DAB2IP: variants seen among roughly 807,000 people sequenced by gnomAD.
DAB2IP encodes the protein disabled homolog 2-interacting protein.
In DAB2IP, 28 loss-of-function variants were observed where a neutral mutation model predicts 107.2. The ratio of observed to expected loss-of-function variants is 0.26; its 90% CI spans 0.19 to 0.36. DAB2IP has a LOEUF of 0.36. Among genes scored for constraint, DAB2IP ranks in the 10% least tolerant of loss-of-function variants. The probability of loss-of-function intolerance (pLI) is 1.00; values close to 1 mark genes in which losing one functional copy is unlikely to be tolerated. For missense variants in DAB2IP, 1,400 were observed against 1,644.7 expected, an observed-to-expected ratio of 0.85 and a Z score of 2.57; for synonymous variants, 755 against 706.4, an observed-to-expected ratio of 1.07 and a Z score of -1.09.
chr9:121,716,524 C>G (rs1301115611), intron 3 of DAB2IP, among the ~76,000 whole-genome samples: 1 of 152,346 alleles, frequency 6.6e-6, no homozygotes, highest in South Asian at 2.1e-4. Flanking sequence ...TGCTCAGGTT[C>G]CATTTCCAAA....
At chr9:121,732,467 G>A (rs1831600930) in intron 3 of DAB2IP, among the ~76,000 whole-genome samples, 1 of 152,158 alleles carries the variant, frequency 6.6e-6, no homozygotes, top group South Asian at 2.1e-4. Flanking sequence ...CTGGTAGTGG[G>A]GCAGAGGTAG....
In DAB2IP at chr9:121,701,996, C is replaced by G. The variant is rs1024195036; in HGVS notation, c.362+2538C>G. Among the ~76,000 whole-genome samples the G allele has an allele frequency of 1.1e-4, 17 of 152,068 alleles. No homozygotes were observed. Among genetic ancestry groups the G allele is most frequent in the African/African-American group, 3.6e-4 (15 of 41,408 alleles). ...CTAGCCTCAGTGAGTGGGTGGGACA[C>G]GAGTGGGAAGGACGGTGGGGGCTTC... On this transcript the variant is annotated intron_variant, in intron 3 of 15. Transcript: ENST00000408936. The surrounding 1 kb of genome is among the most constrained non-coding windows in gnomAD (Gnocchi z 4.7).
At chr9:121,780,880 G>A (rs762113110) in intron 14 of DAB2IP, among the ~76,000 whole-genome samples, 1 of 152,136 alleles carries the variant, frequency 6.6e-6, no homozygotes, top group African/African-American at 2.4e-5. Flanking sequence ...ACTGATGTGC[G>A]ACCTCCCAGC....
At chr9:121,638,593 A>T (rs2789874) in intron 1 of DAB2IP, among the ~76,000 whole-genome samples, 3,111 of 152,264 alleles carry the variant, frequency 0.02, 115 homozygotes, top group African/African-American at 0.071. Flanking sequence ...GGCTCAAGAG[A>T]GCTGTGGCAG....
intron 1 of DAB2IP, among the ~76,000 whole-genome samples, chr9:121,670,153 C>T (rs886238691): frequency 2.0e-5 from 3 of 152,218 alleles, no homozygotes; most frequent in African/African-American, 2.4e-5. Flanking sequence ...GAGAATGCCA[C>T]GTACATGGAA....
chr9:121,627,871 G>A (rs1436019545), intron 1 of DAB2IP, among the ~76,000 whole-genome samples: 1 of 152,214 alleles, frequency 6.6e-6, no homozygotes, highest in Non-Finnish European at 1.5e-5. Flanking sequence ...TAGTTCAGCT[G>A]TAGAATTCCA....
Position 121,776,218 on chromosome 9 carries a change from C to T in DAB2IP, c.3141C>T (p.Asp1047=). The T allele has an allele frequency of 1.3e-6, 2 of 1,579,304 alleles. No individual in the cohort carries two copies. Among genetic ancestry groups the T allele is most frequent in the Non-Finnish European group, 8.6e-7 (1 of 1,162,988 alleles). Residue 1047 remains aspartate (D), a synonymous_variant, in exon 14 of 16, where the codon GAC becomes GAT. Transcript: ENST00000408936. The surrounding 1 kb of genome is among the most constrained non-coding windows in gnomAD (Gnocchi z 5.4). ...GGTAGGACCTGGCGGTGCTGCAGGA[C>T]AAGCTGCGAATCTCCACCAAGAAGC...
intron 10 of DAB2IP, 41 bp from the exon 11 acceptor site, chr9:121,770,505 G>A: frequency 6.3e-7 from 1 of 1,597,542 alleles, no homozygotes; most frequent in East Asian, 2.2e-5. Context: ...TACCCATGTG[G>A]TCCCAGGAGG....
chr9:121,586,706 G>A (rs909890659), intron 1 of DAB2IP, among the ~76,000 whole-genome samples: 5 of 152,050 alleles, frequency 3.3e-5, no homozygotes, highest in African/African-American at 9.7e-5. Context: ...TTCAGTCCCA[G>A]CTACTTGGGA....
chr9:121,621,023 G>A (rs2118994342), intron 1 of DAB2IP, among the ~76,000 whole-genome samples: 1 of 152,206 alleles, frequency 6.6e-6, no homozygotes, highest in East Asian at 1.9e-4. Flanking sequence ...TTTCCTCTTT[G>A]AGGGGAAGAC....
At chr9:121,721,396 A>G (rs958360267) in intron 3 of DAB2IP, among the ~76,000 whole-genome samples, 1 of 152,186 alleles carries the variant, frequency 6.6e-6, no homozygotes, top group Non-Finnish European at 1.5e-5. Flanking sequence ...TCCACAAACA[A>G]TAAGCAAGTC....
At chr9:121,586,430 G>A (rs1299100181) in intron 1 of DAB2IP, among the ~76,000 whole-genome samples, 1 of 152,178 alleles carries the variant, frequency 6.6e-6, no homozygotes, top group African/African-American at 2.4e-5. Flanking sequence ...AGACGGAAAC[G>A]TAAGTGGCAG....
chr9:121,625,665 CTTTTTTT>C (rs71826972), intron 1 of DAB2IP, among the ~76,000 whole-genome samples: 2 of 141,346 alleles, frequency 1.4e-5, no homozygotes, highest in Non-Finnish European at 3.0e-5. Flanking sequence ...GGGCTTTCTG[CTTTTTTT>C]TTTTTTTTCC....
chr9:121,692,740 C>T (rs1284634405), intron 2 of DAB2IP, among the ~76,000 whole-genome samples: 3 of 152,212 alleles, frequency 2.0e-5, no homozygotes, highest in South Asian at 2.1e-4. Context: ...TCCCCTCTTT[C>T]GCCTGTCACA....
chr9:121,767,494 G>T (rs1220327606), intron 9 of DAB2IP, among the ~76,000 whole-genome samples: 1 of 152,212 alleles, frequency 6.6e-6, no homozygotes, highest in East Asian at 1.9e-4. Flanking sequence ...GCATGTCAGG[G>T]TGAGGCGTTC....
At chr9:121,770,074 C>G (rs2119003339) in intron 10 of DAB2IP, among the ~76,000 whole-genome samples, 1 of 152,332 alleles carries the variant, frequency 6.6e-6, no homozygotes, top group African/African-American at 2.4e-5. Flanking sequence ...TCTGCCTGAC[C>G]AGCACCTGAG....
rs1395789524 is a variant in DAB2IP, at chr9:121,662,270, ATCTT to A, written c.124+10376_124+10379del. Among the ~76,000 whole-genome samples, 1 of 152,192 alleles carries A rather than the reference ATCTT, an allele frequency of 6.6e-6. No individual in the cohort carries two copies. The highest frequency in any genetic ancestry group is 1.9e-4 in the East Asian group (1 of 5,204). On this transcript the variant is annotated intron_variant, in intron 1 of 15. Coordinates refer to ENST00000408936, the Ensembl canonical transcript of DAB2IP. This position sits in a 1 kb window ranked among gnomAD's most constrained non-coding sequence, Gnocchi z 4.6. ...CCTGCCTCTCTTCTCTTTTCTTTCT[ATCTT>A]TCTTAGAAATAGAAATGATTCAGGT...
chr9:121,592,162 G>T (rs1358812137), intron 1 of DAB2IP, among the ~76,000 whole-genome samples: 4 of 152,164 alleles, frequency 2.6e-5, no homozygotes, highest in Non-Finnish European at 5.9e-5. Context: ...GAGATCAGGG[G>T]TTTGAGACCA....
At chr9:121,621,988 T>C (rs200413155) in intron 1 of DAB2IP, among the ~76,000 whole-genome samples, 320 of 131,890 alleles carry the variant, frequency 2.4e-3, no homozygotes, top group East Asian at 0.022. Context: ...TTCTTTCTTT[T>C]TTTTTTTTTT....
Sources: gnomAD v4.1 joint callset for allele counts (sites outside exome capture counted in the v4.1 genomes callset) on GRCh38, gnomAD v4.1.1 for gene constraint, Gnocchi (gnomAD v3.1) non-coding constraint, MANE v1.5 for transcripts, NCBI Gene and HGNC (gene_info 2026-07-23, HGNC 2026-07-21) for gene names.